Variants in NBN observed in about 807,000 individuals in gnomAD.
NBN encodes the protein nibrin.
A neutral mutation model predicts 90.8 loss-of-function variants in NBN; 88 were observed. The observed-to-expected ratio is 0.97, with a 90% CI of 0.82 to 1.16. The LOEUF (loss-of-function observed/expected upper bound fraction) is 1.16, where lower values mean the gene tolerates loss of function less well. NBN is among the 50% of genes most tolerant of loss of function. The probability of loss-of-function intolerance (pLI) is 0.00; values close to 1 mark genes in which losing one functional copy is unlikely to be tolerated. For synonymous variants in NBN, 328 were observed against 295.1 expected, an observed-to-expected ratio of 1.11 and a Z score of -1.14; for missense variants, 894 against 869.6, an observed-to-expected ratio of 1.03 and a Z score of -0.35.
At chr8:89,975,241 G>T (rs1047553473) in intron 5 of NBN, among the ~76,000 whole-genome samples, 32 of 152,186 alleles carry the variant, frequency 2.1e-4, no homozygotes, top group Admixed American at 1.2e-3. Flanking sequence ...GTACTAAATA[G>T]GACTGTATAT....
At chr8:89,940,659 G>T (rs2130748514) in intron 14 of NBN, among the ~76,000 whole-genome samples, 1 of 147,190 alleles carries the variant, frequency 6.8e-6, no homozygotes, top group Non-Finnish European at 1.5e-5. Flanking sequence ...AACAGAACAT[G>T]CAAAAAACAG....
At chr8:89,964,566 G>A in intron 7 of NBN, 59 bp from the exon 8 acceptor site, 1 of 1,492,202 alleles carries the variant, frequency 6.7e-7, no homozygotes, top group South Asian at 1.2e-5. Flanking sequence ...CTTTTATTCA[G>A]ATAATGTCAA....
At chr8:89,981,344 C>G (rs1396398065) in intron 3 of NBN, 31 bp downstream of exon 3, 9 of 1,597,116 alleles carry the variant, frequency 5.6e-6, no homozygotes, top group Non-Finnish European at 7.7e-6. Flanking sequence ...ACAAAGCTGT[C>G]CATTTTAAAA....
At chr8:89,975,350 G>A (rs1031830802) in intron 5 of NBN, among the ~76,000 whole-genome samples, 14 of 152,076 alleles carry the variant, frequency 9.2e-5, no homozygotes, top group Admixed American at 6.6e-4. Flanking sequence ...AATCAAAGGC[G>A]TCACCACAAT....
chr8:89,935,603 A>C lies in NBN; in HGVS notation c.2244T>G (p.Pro748=). 6.2e-7 allele frequency: 1 copy of C among 1,608,662 alleles called. No homozygotes were observed. Among genetic ancestry groups the C allele is most frequent in the Non-Finnish European group, 8.5e-7 (1 of 1,175,894 alleles). ...SLADDLFRYN[P]YLKRRR ...TCAGTTATCTTCTCCTTTTTAAATA[A>C]GGATTGTATCTGCAAAGAAAGAAAT... The change falls in exon 16 of 16, where the codon CCT becomes CCG. Residue 748 remains proline, a synonymous_variant. Coordinates refer to ENST00000265433, the MANE Select transcript of NBN (RefSeq NM_002485.5).
At chr8:89,973,619 C>T (rs1180158544) in intron 5 of NBN, among the ~76,000 whole-genome samples, 5 of 152,056 alleles carry the variant, frequency 3.3e-5, no homozygotes, top group Non-Finnish European at 7.4e-5. Flanking sequence ...TTTCTCTTTA[C>T]CAGTGTAATG....
rs13312919 is a variant in NBN, at chr8:89,957,256, T to C, written c.1124+1469A>G. Among the ~76,000 whole-genome samples the C allele has an allele frequency of 1.7e-3, 255 of 152,370 alleles. 2 individuals are homozygous for C. In the South Asian group the frequency reaches 0.019, roughly 11 times the overall value. On this transcript the variant is annotated intron_variant, in intron 9 of 15. Transcript: ENST00000265433. ...GATGTGGCAATGACTGCGATGATCCTAACTCTGTGCAGGCCTAGGCTAACA... is the reference window on the plus strand; with the variant it reads ...GATGTGGCAATGACTGCGATGATCCCAACTCTGTGCAGGCCTAGGCTAACA...
intron 7 of NBN, among the ~76,000 whole-genome samples, chr8:89,965,293 A>G (rs1187098212): frequency 4.6e-5 from 7 of 152,194 alleles, no homozygotes; most frequent in Admixed American, 4.6e-4. Flanking sequence ...TTAGTAAATC[A>G]AATCATTTTG....
In NBN at chr8:89,978,227, T is replaced by A. The variant is rs1811863033; in HGVS notation, c.577A>T (p.Ile193Phe). 6.2e-7 allele frequency: 1 copy of A among 1,603,920 alleles called. No homozygotes were observed. Among genetic ancestry groups the A allele is most frequent in the South Asian group, 1.1e-5 (1 of 90,810 alleles). The change falls in exon 5 of 16, where the codon ATT becomes TTT. Residue 193 changes from isoleucine to phenylalanine, a missense_variant. By Grantham distance (21) the Ile-to-Phe change is conservative (BLOSUM62 0). Transcript: ENST00000265433. ...AVESKKQPPQ[I>F]ESFYPPLDEP... ...TTAAAATACATAATATACCTTTCAA[T>A]TTGTGGAGGCTGCTTCTTGGACTCA... is the stretch of plus-strand genomic sequence containing the variant.
At chr8:89,947,703 T>C (rs1810258037) in intron 12 of NBN, 121 bp downstream of exon 12, 3 of 629,302 alleles carry the variant, frequency 4.8e-6, no homozygotes, top group Non-Finnish European at 8.8e-6. Context: ...CAAGGCACAA[T>C]CATGAAGTAA....
intron 5 of NBN, among the ~76,000 whole-genome samples, 195 bp from the exon 6 acceptor site, chr8:89,971,485 G>A (rs534367460): frequency 6.6e-6 from 1 of 152,168 alleles, no homozygotes; most frequent in African/African-American, 2.4e-5. Flanking sequence ...ATGGTGGCAG[G>A]TGACACAAAG....
Position 89,934,007 on chromosome 8 carries a change from CTCAT to C in NBN, c.*1571_*1574del, listed in dbSNP as rs1281344768. 1 of 230,864 alleles carries C rather than the reference CTCAT, an allele frequency of 4.3e-6. No individual in the cohort carries two copies. Among genetic ancestry groups the C allele is most frequent in the Admixed American group, 5.6e-5 (1 of 17,718 alleles). The allele number at this position is 230,864 out of a possible 1,614,324, so 14.3% of individuals were successfully genotyped here. ...TGTAAAGACAGGAGGTACCAGAACT[CTCAT>C]TCATTATATTCATAAATTGACAAAT... is the stretch of plus-strand genomic sequence containing the variant. On this transcript the variant is annotated 3_prime_UTR_variant, in exon 16 of 16. Transcript: ENST00000265433.
intron 14 of NBN, among the ~76,000 whole-genome samples, chr8:89,939,146 G>A (rs992783474): frequency 6.6e-6 from 1 of 152,106 alleles, no homozygotes; most frequent in African/African-American, 2.4e-5. Context: ...TTCAGGAACT[G>A]ACGCAGTGAT....
At chr8:89,939,909 C>T (rs957517137) in intron 14 of NBN, among the ~76,000 whole-genome samples, 1 of 151,932 alleles carries the variant, frequency 6.6e-6, no homozygotes, top group Non-Finnish European at 1.5e-5. Context: ...AATTAAAATC[C>T]CAGGAGACAG....
chr8:89,965,635 G>A lies in NBN; in HGVS notation c.897-1128C>T, dbSNP rs547441963. ...TTCCCAAGTAGCTGGAACCACAGGC[G>A]CGCACCAACACACCCAGCTAATTTT... On this transcript the variant is annotated intron_variant, in intron 7 of 15. Transcript: ENST00000265433. 4.6e-5 allele frequency among the ~76,000 whole-genome samples: 7 copies of A among 152,008 alleles called. No homozygotes were observed. In the South Asian group the frequency reaches 1.2e-3, roughly 27 times the overall value.
rs1216167429 is a variant in NBN at position 89,980,849 on chromosome 8, A to C, written c.365T>G (p.Val122Gly). The change falls in exon 4 of 16, where the codon GTC (valine) becomes GGC (glycine). Residue 122 changes from valine to glycine, a missense_variant. Coordinates refer to ENST00000265433, the MANE Select transcript of NBN (RefSeq NM_002485.5). ...PLVACSSCLD[V>G]SGKTALNQAI... ...TTGATTTAAAGCAGTTTTCCCAGAG[A>C]CATCTAAACAAGAAGAGCATGCAAC... 6.2e-7 allele frequency: 1 copy of C among 1,612,418 alleles called. No individual in the cohort carries two copies.
Position 89,981,424 on chromosome 8 carries a change from A to G in NBN, c.271T>C (p.Leu91=). 6.2e-7 allele frequency: 1 copy of G among 1,614,106 alleles called. No individual in the cohort carries two copies. Among genetic ancestry groups the G allele is most frequent in the South Asian group, 1.1e-5 (1 of 91,084 alleles). The change falls in exon 3 of 16, where the codon TTG becomes CTG. Residue 91 remains leucine (L), a synonymous_variant. Transcript: ENST00000265433. Reference sequence around the variant, plus strand: ...AAAGTAATACCATCCCCCGACTTCAAAGTTCGGGAAAAGCCATTCTGCATT... The same window carrying G: ...AAAGTAATACCATCCCCCGACTTCAGAGTTCGGGAAAAGCCATTCTGCATT... ...EKMQNGFSRT[L]KSGDGITFGV...
At chr8:89,983,381 G>C (rs13312852) in intron 1 of NBN, among the ~76,000 whole-genome samples, 4,872 of 151,038 alleles carry the variant, frequency 0.032, 259 homozygotes, top group African/African-American at 0.11. Flanking sequence ...GCAGTGAGCC[G>C]ACACAGTGCC....
chr8:89,979,956 G>C (rs1811978814), intron 4 of NBN, among the ~76,000 whole-genome samples: 3 of 152,076 alleles, frequency 2.0e-5, no homozygotes, highest in Admixed American at 2.0e-4. Flanking sequence ...TAAATATTCT[G>C]GTAAAGGTGC....
Sources: gnomAD v4.1 joint callset for allele counts (sites outside exome capture counted in the v4.1 genomes callset) on GRCh38, gnomAD v4.1.1 for gene constraint, MANE v1.5 for transcripts, NCBI Gene and HGNC (gene_info 2026-07-23, HGNC 2026-07-21) for gene names.